The following KIT variants were observed in gnomAD, a reference collection of about 807,000 sequenced individuals.
KIT encodes mast/stem cell growth factor receptor Kit.
KIT carries 16 observed loss-of-function variants against 105.7 expected under a neutral mutation model. That is an observed-to-expected ratio of 0.15 (90% CI 0.10 to 0.23). The LOEUF (loss-of-function observed/expected upper bound fraction) is 0.23, where lower values mean the gene tolerates loss of function less well. Among genes scored for constraint, KIT ranks in the 10% least tolerant of loss-of-function variants. The probability of loss-of-function intolerance (pLI) is 1.00; values close to 1 mark genes in which losing one functional copy is unlikely to be tolerated. For synonymous variants in KIT, 438 were observed against 441.1 expected (o/e 0.99, Z 0.09); for missense variants, 858 against 1,213.8 (o/e 0.71, Z 4.36).
intron 1 of KIT, among the ~76,000 whole-genome samples, chr4:54,670,243 C>T (rs1718014260): frequency 6.6e-6 from 1 of 152,168 alleles, no homozygotes; most frequent in Admixed American, 6.5e-5. Flanking sequence ...AGGCTAGATG[C>T]TCTTTGGTAT....
chr4:54,730,324 A>G (rs2109789467), intron 14 of KIT, among the ~76,000 whole-genome samples: 1 of 152,182 alleles, frequency 6.6e-6, no homozygotes, highest in South Asian at 2.1e-4. Flanking sequence ...CTTTATATCC[A>G]CTGCATCTTG....
intron 7 of KIT, among the ~76,000 whole-genome samples, chr4:54,720,895 T>C (rs1560412370): frequency 6.6e-6 from 1 of 152,250 alleles, no homozygotes; most frequent in Non-Finnish European, 1.5e-5. Context: ...TGTCAGGCGC[T>C]TGGATTTCTT....
At chr4:54,681,987 A>G (rs1419504938) in intron 1 of KIT, among the ~76,000 whole-genome samples, 1 of 152,078 alleles carries the variant, frequency 6.6e-6, no homozygotes, top group East Asian at 1.9e-4. Context: ...ACAAACAAAA[A>G]CAAAGTAGAT....
intron 4 of KIT, among the ~76,000 whole-genome samples, chr4:54,701,516 CTTAG>C (rs1301507508): frequency 6.6e-5 from 10 of 152,290 alleles, no homozygotes; most frequent in African/African-American, 2.4e-4. Context: ...TACTGTTAAT[CTTAG>C]TTGGTTAGCT....
rs889770948 is a variant in KIT, at chr4:54,658,190, G to A, written c.67+109G>A. The A allele has an allele frequency of 5.5e-6, 6 of 1,091,776 alleles. No homozygotes were observed. In the African/African-American group the frequency reaches 6.2e-5, roughly 11 times the overall value. 67.6% of individuals were successfully genotyped at this position (1,091,776 alleles called of 1,614,324 possible). On this transcript the variant is annotated intron_variant, in intron 1 of 20. Coordinates refer to ENST00000288135, the MANE Select transcript of KIT (RefSeq NM_000222.3). ...CCGGAGAGAGGACTGCGGGCCCTCA[G>A]TGCCCGTGCGTTCCAGCCTCCGGGG... is the stretch of plus-strand genomic sequence containing the variant.
Position 54,727,270 on chromosome 4 carries a change from C to T in KIT, c.1593C>T (p.Ile531=), listed in dbSNP as rs760143011. 1.4e-5 allele frequency: 23 copies of T among 1,613,988 alleles called. No homozygotes were observed. Among genetic ancestry groups the T allele is most frequent in the African/African-American group, 5.3e-5 (4 of 74,902 alleles). ...CTCCTTTGCTGATTGGTTTCGTAAT[C>T]GTAGCTGGCATGATGTGCATTATTG... is the stretch of plus-strand genomic sequence containing the variant. ...LFTPLLIGFV[I]VAGMMCIIVM... is the part of the protein sequence containing the mutation. Residue 531 remains isoleucine (I), a synonymous_variant, in exon 10 of 21, where the codon ATC becomes ATT. Coordinates refer to ENST00000288135, the MANE Select transcript of KIT (RefSeq NM_000222.3).
intron 15 of KIT, 49 bp downstream of exon 15, chr4:54,731,468 G>A (rs1300323537): frequency 8.4e-7 from 1 of 1,196,558 alleles, no homozygotes; most frequent in Non-Finnish European, 1.3e-6. Context: ...CAGAGAGTAT[G>A]TATATCATGC....
rs1451277276 is a variant in KIT, at chr4:54,736,558, G to A, written c.2545G>A (p.Glu849Lys). ...ESIFNCVYTFESDVWSYGIFL... is the reference protein window; with the variant it reads ...ESIFNCVYTFKSDVWSYGIFL... ...CATTTTCAACTGTGTATACACGTTT[G>A]AAAGTGACGTCTGGTCCTATGGGAT... The change falls in exon 18 of 21, where the codon GAA becomes AAA. Residue 849 changes from glutamate to lysine, a missense_variant. Around this residue, in one of 7 missense-constraint regions of KIT, gnomAD observed 63 missense variants for 137.4 expected, o/e 0.46. Transcript: ENST00000288135. 6.2e-7 allele frequency: 1 copy of A among 1,614,182 alleles called. No homozygotes were observed. Among genetic ancestry groups the A allele is most frequent in the South Asian group, 1.1e-5 (1 of 91,080 alleles).
intron 1 of KIT, among the ~76,000 whole-genome samples, chr4:54,694,935 G>A (rs1719953230): frequency 6.6e-6 from 1 of 152,180 alleles, no homozygotes; most frequent in Non-Finnish European, 1.5e-5. Context: ...TTAGGCATTA[G>A]GGTGTTAAAA....
intron 1 of KIT, among the ~76,000 whole-genome samples, chr4:54,683,592 C>A (rs978852795): frequency 1.5e-4 from 23 of 152,128 alleles, no homozygotes; most frequent in Admixed American, 3.3e-4. Flanking sequence ...TAACAGACAC[C>A]AAACATTTAA....
At chr4:54,697,809 G>A (rs1720173035) in intron 2 of KIT, among the ~76,000 whole-genome samples, 1 of 152,178 alleles carries the variant, frequency 6.6e-6, no homozygotes, top group African/African-American at 2.4e-5. Flanking sequence ...GAAGGAGGAA[G>A]CCTTTCCTGC....
chr4:54,738,356 A>G, intron 20 of KIT, 73 bp from the exon 21 acceptor site: 2 of 1,553,882 alleles, frequency 1.3e-6, no homozygotes, highest in African/African-American at 1.4e-5. Flanking sequence ...TGATCTTGAC[A>G]CTGTAAGTAT....
chr4:54,673,611 G>T (rs1398008619), intron 1 of KIT, among the ~76,000 whole-genome samples: 1 of 152,028 alleles, frequency 6.6e-6, no homozygotes, highest in Non-Finnish European at 1.5e-5. Flanking sequence ...GAAATATTAG[G>T]TCATAGCTTT....
At chr4:54,672,993 T>A (rs1358361414) in intron 1 of KIT, among the ~76,000 whole-genome samples, 1 of 152,200 alleles carries the variant, frequency 6.6e-6, no homozygotes, top group Non-Finnish European at 1.5e-5. Context: ...TGCCATAAAG[T>A]GGCGTCAAAA....
In KIT at chr4:54,738,495, A is replaced by G. The variant is rs748938919; in HGVS notation, c.2869A>G (p.Ile957Val). The change falls in exon 21 of 21, where the codon ATC becomes GTC. Residue 957 changes from isoleucine (I) to valine (V), a missense_variant. Around this residue, in one of 7 missense-constraint regions of KIT, gnomAD observed 105 missense variants for 103.5 expected, o/e 1.01. Transcript: ENST00000288135. ...GCCCGTGGTAGACCATTCTGTGCGG[A>G]TCAATTCTGTCGGCAGCACCGCTTC... ...QKPVVDHSVR[I>V]NSVGSTASSS... 1.9e-6 allele frequency: 3 copies of G among 1,614,052 alleles called. No individual in the cohort carries two copies. Among genetic ancestry groups the G allele is most frequent in the Non-Finnish European group, 2.5e-6 (3 of 1,179,998 alleles).
chr4:54,705,521 A>G (rs1177214163), intron 5 of KIT, among the ~76,000 whole-genome samples: 1 of 152,216 alleles, frequency 6.6e-6, no homozygotes, highest in Non-Finnish European at 1.5e-5. Flanking sequence ...ATAGTGAAGC[A>G]AATTAATGTA....
rs188764031 is a variant in KIT at position 54,718,469 on chromosome 4, A to G, written c.1232-5115A>G. Among the ~76,000 whole-genome samples the G allele has an allele frequency of 1.0e-3, 152 of 152,320 alleles. 1 individual carries two copies. Among genetic ancestry groups the G allele is most frequent in the African/African-American group, 3.4e-3 (140 of 41,562 alleles). On this transcript the variant is annotated intron_variant, in intron 7 of 20. Transcript: ENST00000288135. Reference sequence around the variant, plus strand: ...AAAAAATCAGGAGATTTCATGAGACATGAGAATACAACTCAAATGTTAGTG... The same window carrying G: ...AAAAAATCAGGAGATTTCATGAGACGTGAGAATACAACTCAAATGTTAGTG...
At chr4:54,694,093 A>T (rs1719892996) in intron 1 of KIT, among the ~76,000 whole-genome samples, 2 of 152,116 alleles carry the variant, frequency 1.3e-5, no homozygotes, top group South Asian at 4.1e-4. Context: ...TTACACCCAG[A>T]AGTTCAGGAC....
chr4:54,673,816 C>CATTTT (rs71202468), intron 1 of KIT, among the ~76,000 whole-genome samples: 5,661 of 152,156 alleles, frequency 0.037, 164 homozygotes, highest in Middle Eastern at 0.058. Context: ...TAGTTGTTTT[C>CATTTT]ATTTTATTTT....
Sources: allele counts gnomAD v4.1 joint callset (sites outside exome capture counted in the v4.1 genomes callset), GRCh38; gene constraint gnomAD v4.1.1; regional missense constraint gnomAD v4.1.1; transcripts MANE v1.5; gene names NCBI Gene and HGNC (gene_info 2026-07-23, HGNC 2026-07-21).